GPRIN1: variants seen among roughly 807,000 people sequenced by gnomAD.
GPRIN1 encodes the protein G protein-regulated inducer of neurite outgrowth 1.
A neutral mutation model predicts 2.8 loss-of-function variants in GPRIN1; 4 were observed. That is an observed-to-expected ratio of 1.45 (90% CI 0.71 to 3.32). The LOEUF is 3.32. Ranked by LOEUF, GPRIN1 falls within the 30% of genes most tolerant of loss-of-function variation. The pLI is 0.01. For missense variants in GPRIN1, 1,322 were observed against 1,343.4 expected (o/e 0.98, Z 0.25); for synonymous variants, 589 against 589.9 (o/e 1.00, Z 0.02).
chr5:176,597,276 C>T lies in GPRIN1; in HGVS notation c.2559G>A (p.Ser853=), dbSNP rs1384867361. ...ACACCTGCAGGCCCGCATCTCGGCG[C>T]GAGGGCGGGCTGGGCGCGCGCGGCG... ...QAAPRAPSPP[S]RRDAGLQVSL... Residue 853 remains serine, a synonymous_variant, in exon 2 of 2, where the codon TCG becomes TCA. Coordinates refer to ENST00000303991, the MANE Select transcript of GPRIN1 (RefSeq NM_052899.3). The surrounding 1 kb of genome is among the most constrained non-coding windows in gnomAD (Gnocchi z 6.1). 6.5e-6 allele frequency: 8 copies of T among 1,237,714 alleles called. No individual in the cohort carries two copies. The East Asian group carries it at 2.3e-4, about 35-fold the overall frequency. 76.7% of individuals were successfully genotyped at this position (1,237,714 alleles called of 1,614,324 possible). A position where few individuals can be genotyped will look rare whatever the true frequency, so the allele number is the denominator to read the frequency against.
Position 176,598,081 on chromosome 5 carries a change from A to T in GPRIN1, c.1754T>A (p.Val585Glu). 1 of 1,613,706 alleles carries T rather than the reference A, an allele frequency of 6.2e-7. No homozygotes were observed. Among genetic ancestry groups the T allele is most frequent in the Non-Finnish European group, 8.5e-7 (1 of 1,179,934 alleles). The change falls in exon 2 of 2, where the codon GTG (valine) becomes GAG (glutamate). Residue 585 changes from valine to glutamate, a missense_variant. This residue lies in a region of GPRIN1 where 1,117 missense variants were observed against 1,128.6 expected (regional missense o/e 0.99). Coordinates refer to ENST00000303991, the MANE Select transcript of GPRIN1 (RefSeq NM_052899.3). The stretch of plus-strand genomic sequence containing the variant: ...CACGGGATCCACCTTCCCCGAGGGC[A>T]CCGGGACTGTTTTTCCTGGAGTTGA... Reference protein sequence around the residue: ...VVSTPGKTVPVPSGKVDPVSL... With the variant: ...VVSTPGKTVPEPSGKVDPVSL...
At position 176,598,815 on chromosome 5, in the gene GPRIN1, C is replaced by T. The variant is rs2113347885; in HGVS notation, c.1020G>A (p.Gly340=). Residue 340 remains glycine (G), a synonymous_variant, in exon 2 of 2, where the codon GGG becomes GGA. Coordinates refer to ENST00000303991, the MANE Select transcript of GPRIN1 (RefSeq NM_052899.3). ...GPVSSGTGAP[G]SLGRLDPTCL... ...ATGTGGGATCCAGCCTTCCCAAGGA[C>T]CCAGGAGCCCCGGTCCCAGAGGATA... 1 of 1,613,842 alleles carries T rather than the reference C, an allele frequency of 6.2e-7. No homozygotes were observed. Among genetic ancestry groups the T allele is most frequent in the Middle Eastern group, 1.6e-4 (1 of 6,062 alleles).
Position 176,598,476 on chromosome 5 carries a change from TG to T in GPRIN1, c.1358del (p.Pro453GlnfsTer27). On this transcript the variant is annotated frameshift_variant, in exon 2 of 2. Transcript: ENST00000303991. LOFTEE classifies it low-confidence loss of function (END_TRUNC). Reference sequence around the variant, plus strand: ...TGGAGGACACCGGGTCCTCTTTTCCTGGGGATACAGTTCCTGCCTTTCCCAC... The same window carrying T: ...TGGAGGACACCGGGTCCTCTTTTCCTGGGATACAGTTCCTGCCTTTCCCAC... ...VSVGKAGTVS[P>X]GKEDPVSSRR... is the part of the protein sequence containing the mutation. 6.2e-7 allele frequency: 1 copy of T among 1,614,122 alleles called. No homozygotes were observed. The highest frequency in any genetic ancestry group is 8.5e-7 in the Non-Finnish European group (1 of 1,180,028).
In GPRIN1 at chr5:176,597,490, G is replaced by T; in HGVS notation, c.2345C>A (p.Ala782Glu). The T allele has an allele frequency of 7.4e-7, 1 of 1,358,810 alleles. No individual in the cohort carries two copies. Among genetic ancestry groups the T allele is most frequent in the Non-Finnish European group, 9.5e-7 (1 of 1,057,010 alleles). The allele number at this position is 1,358,810 out of a possible 1,614,324, so 84.2% of individuals were successfully genotyped here. Residue 782 changes from alanine (A) to glutamate (E), a missense_variant, in exon 2 of 2, where the codon GCA (alanine) becomes GAA (glutamate). Physicochemically the swap from Ala to Glu is moderately radical, Grantham distance 107. Around this residue, in one of 3 missense-constraint regions of GPRIN1, gnomAD observed 1,117 missense variants for 1,128.6 expected, o/e 0.99. Coordinates refer to ENST00000303991, the MANE Select transcript of GPRIN1 (RefSeq NM_052899.3). This position sits in a 1 kb window ranked among gnomAD's most constrained non-coding sequence, Gnocchi z 6.1. ...GAERSPCPEA[A>E]APPPGPRTRD... Reference sequence around the variant, plus strand: ...AGTCCGCGGCCCCGGCGGGGGCGCTGCGGCCTCTGGGCAGGGGCTTCTCTC... The same window carrying T: ...AGTCCGCGGCCCCGGCGGGGGCGCTTCGGCCTCTGGGCAGGGGCTTCTCTC...
At chr5:176,607,427 T>C (rs1759237436) in intron 1 of GPRIN1, among the ~76,000 whole-genome samples, 1 of 152,192 alleles carries the variant, frequency 6.6e-6, no homozygotes. Flanking sequence ...CACTGCAATC[T>C]CCACCTTCCA....
In GPRIN1 at chr5:176,597,110, G is replaced by C. The variant is rs1759051146; in HGVS notation, c.2725C>G (p.Pro909Ala). 4 of 1,476,062 alleles carry C rather than the reference G, an allele frequency of 2.7e-6. No individual in the cohort carries two copies. The highest frequency in any genetic ancestry group is 3.6e-6 in the Non-Finnish European group (4 of 1,110,506). The allele number at this position is 1,476,062 out of a possible 1,614,324, so 91.4% of individuals were successfully genotyped here. A position where few individuals can be genotyped will look rare whatever the true frequency, so the allele number is the denominator to read the frequency against. Reference sequence around the variant, plus strand: ...TCGTCCCAGCTCACGTCTCGCACGGGCTCAGCCGGCTCCGGGGGCGCTACA... The same window carrying C: ...TCGTCCCAGCTCACGTCTCGCACGGCCTCAGCCGGCTCCGGGGGCGCTACA... ...AAVAPPEPAE[P>A]VRDVSWDEKG... Residue 909 changes from proline to alanine, a missense_variant, in exon 2 of 2, where the codon CCC (proline) becomes GCC (alanine). Physicochemically the swap from Pro to Ala is conservative, Grantham distance 27. Around this residue, in one of 3 missense-constraint regions of GPRIN1, gnomAD observed 196 missense variants for 189.2 expected, o/e 1.04. Coordinates refer to ENST00000303991, the MANE Select transcript of GPRIN1 (RefSeq NM_052899.3). This position sits in a 1 kb window ranked among gnomAD's most constrained non-coding sequence, Gnocchi z 6.1.
At position 176,596,939 on chromosome 5, in the gene GPRIN1, C is replaced by T. The variant is rs1759046500; in HGVS notation, c.2896G>A (p.Gly966Ser). 8.1e-7 allele frequency: 1 copy of T among 1,239,492 alleles called. No homozygotes were observed. The highest frequency in any genetic ancestry group is 3.4e-5 in the East Asian group (1 of 29,808). 76.8% of individuals were successfully genotyped at this position (1,239,492 alleles called of 1,614,324 possible). ...APPPAARAGP[G>S]RSGSVRTAPP... ...GCGGTGCGCACCGAGCCCGAACGGC[C>T]GGGGCCGGCACGGGCGGCGGGCGGC... is the stretch of plus-strand genomic sequence containing the variant. Residue 966 changes from glycine (G) to serine (S), a missense_variant, in exon 2 of 2, where the codon GGC (glycine) becomes AGC (serine). Around this residue, in one of 3 missense-constraint regions of GPRIN1, gnomAD observed 196 missense variants for 189.2 expected, o/e 1.04. Coordinates refer to ENST00000303991, the MANE Select transcript of GPRIN1 (RefSeq NM_052899.3). The surrounding 1 kb of genome is among the most constrained non-coding windows in gnomAD (Gnocchi z 5.2).
In GPRIN1 at chr5:176,598,934, G is replaced by A. The variant is rs1400797335; in HGVS notation, c.901C>T (p.Pro301Ser). 14 of 1,613,992 alleles carry A rather than the reference G, an allele frequency of 8.7e-6. No homozygotes were observed. Among genetic ancestry groups the A allele is most frequent in the Non-Finnish European group, 1.2e-5 (14 of 1,179,928 alleles). The change falls in exon 2 of 2, where the codon CCC (proline) becomes TCC (serine). Residue 301 changes from proline to serine, a missense_variant. Coordinates refer to ENST00000303991, the MANE Select transcript of GPRIN1 (RefSeq NM_052899.3). ...PGPSGKADPMPLESMDSASTG... is the reference protein window; with the variant it reads ...PGPSGKADPMSLESMDSASTG... ...GACGCAGAATCCATGCTTTCCAAGG[G>A]CATGGGATCTGCCTTTCCCGAGGGC...
chr5:176,609,332 G>A (rs1004131997), intron 1 of GPRIN1, among the ~76,000 whole-genome samples: 1 of 152,144 alleles, frequency 6.6e-6, no homozygotes, highest in Non-Finnish European at 1.5e-5. Flanking sequence ...GTTTGAGTGC[G>A]TAGCTGTGCC....
chr5:176,597,276 C>A lies in GPRIN1; in HGVS notation c.2559G>T (p.Ser853=). Residue 853 remains serine (S), a synonymous_variant, in exon 2 of 2, where the codon TCG becomes TCT. Transcript: ENST00000303991. The surrounding 1 kb of genome is among the most constrained non-coding windows in gnomAD (Gnocchi z 6.1). ...QAAPRAPSPP[S]RRDAGLQVSL... ...ACACCTGCAGGCCCGCATCTCGGCG[C>A]GAGGGCGGGCTGGGCGCGCGCGGCG... 8.1e-7 allele frequency: 1 copy of A among 1,237,822 alleles called. No homozygotes were observed. The highest frequency in any genetic ancestry group is 1.0e-6 in the Non-Finnish European group (1 of 992,704). 76.7% of individuals were successfully genotyped at this position (1,237,822 alleles called of 1,614,324 possible).
chr5:176,609,655 G>A (rs942431136), intron 1 of GPRIN1, among the ~76,000 whole-genome samples: 11 of 152,170 alleles, frequency 7.2e-5, no homozygotes, highest in Middle Eastern at 3.4e-3. Context: ...CCTCCCGCGC[G>A]GCCATGCCGA....
Position 176,598,520 on chromosome 5 carries a change from G to T in GPRIN1, c.1315C>A (p.Gln439Lys). The change falls in exon 2 of 2, where the codon CAG (glutamine) becomes AAG (lysine). Residue 439 changes from glutamine to lysine, a missense_variant. Gln to Lys is a moderately conservative substitution (Grantham distance 53). Around this residue, in one of 3 missense-constraint regions of GPRIN1, gnomAD observed 1,117 missense variants for 1,128.6 expected, o/e 0.99. Transcript: ENST00000303991. ...TTTCCCACAGACACACGCTCTGCCT[G>T]TCCAGGAGACAAGAGCTCTGGCTTT... ...SGKPELLSPG[Q>K]AERVSVGKAG... 1 of 1,614,146 alleles carries T rather than the reference G, an allele frequency of 6.2e-7. No individual in the cohort carries two copies. Among genetic ancestry groups the T allele is most frequent in the African/African-American group, 1.3e-5 (1 of 75,046 alleles).
At chr5:176,609,401 A>G (rs2113357082) in intron 1 of GPRIN1, among the ~76,000 whole-genome samples, 1 of 152,198 alleles carries the variant, frequency 6.6e-6, no homozygotes, top group East Asian at 1.9e-4. Flanking sequence ...CGTGTGTATG[A>G]GTCTAATGGA....
chr5:176,598,152 A>G lies in GPRIN1; in HGVS notation c.1683T>C (p.Ala561=). The change falls in exon 2 of 2, where the codon GCT becomes GCC. Residue 561 remains alanine, a synonymous_variant. Coordinates refer to ENST00000303991, the MANE Select transcript of GPRIN1 (RefSeq NM_052899.3). ...EDPVSKGKAD[A]GPSGQGDSVS... ...CAGAGTCCCCTTGTCCAGAGGGGCC[A>G]GCGTCTGCCTTTCCCTTGCTCACAG... The G allele has an allele frequency of 6.2e-7, 1 of 1,612,678 alleles. No homozygotes were observed. Among genetic ancestry groups the G allele is most frequent in the South Asian group, 1.1e-5 (1 of 91,070 alleles).
chr5:176,597,340 T>C lies in GPRIN1; in HGVS notation c.2495A>G (p.Gln832Arg). 4 of 1,247,802 alleles carry C rather than the reference T, an allele frequency of 3.2e-6. No individual in the cohort carries two copies. The highest frequency in any genetic ancestry group is 4.0e-6 in the Non-Finnish European group (4 of 998,362). The allele number at this position is 1,247,802 out of a possible 1,614,324, so 77.3% of individuals were successfully genotyped here. ...GAAGGCCGAGCCCCCAGCGCCGTCC[T>C]GCGGAGACATGGGGCTCACGGCCAC... ...VSVAVSPMSP[Q>R]DGAGGSAFSF... Residue 832 changes from glutamine (Q) to arginine (R), a missense_variant, in exon 2 of 2, where the codon CAG becomes CGG. Around this residue, in one of 3 missense-constraint regions of GPRIN1, gnomAD observed 1,117 missense variants for 1,128.6 expected, o/e 0.99. Coordinates refer to ENST00000303991, the MANE Select transcript of GPRIN1 (RefSeq NM_052899.3). The surrounding 1 kb of genome is among the most constrained non-coding windows in gnomAD (Gnocchi z 6.1).
chr5:176,601,451 G>C (rs535827826), intron 1 of GPRIN1, among the ~76,000 whole-genome samples: 3 of 152,310 alleles, frequency 2.0e-5, no homozygotes, highest in African/African-American at 7.2e-5. Flanking sequence ...GAAATCCAAA[G>C]GAAAACTGAC....
rs758743287 is a variant in GPRIN1, at chr5:176,599,344, G to T, written c.491C>A (p.Thr164Asn). The T allele has an allele frequency of 6.2e-7, 1 of 1,614,234 alleles. No individual in the cohort carries two copies. The highest frequency in any genetic ancestry group is 8.5e-7 in the Non-Finnish European group (1 of 1,180,048). Reference sequence around the variant, plus strand: ...CCCAGGATCCTCCTTTCCTATGGAAGTGGAATCGGCCTGCTTTGAGGACTT... The same window carrying T: ...CCCAGGATCCTCCTTTCCTATGGAATTGGAATCGGCCTGCTTTGAGGACTT... ...DFKSSKQADS[T>N]SIGKEDPGSS... Residue 164 changes from threonine (T) to asparagine (N), a missense_variant, in exon 2 of 2, where the codon ACT becomes AAT. Transcript: ENST00000303991.
In GPRIN1 at chr5:176,597,625, G is replaced by A. The variant is rs781597704; in HGVS notation, c.2210C>T (p.Ser737Phe). The change falls in exon 2 of 2, where the codon TCT (serine) becomes TTT (phenylalanine). Residue 737 changes from serine to phenylalanine, a missense_variant. Transcript: ENST00000303991. The surrounding 1 kb of genome is among the most constrained non-coding windows in gnomAD (Gnocchi z 6.1). The stretch of plus-strand genomic sequence containing the variant: ...TTCACTGCCCCTGGCACCCTCGGGA[G>A]ACCGGGCTGAGCCGAGGGCTTTGCG... ...LDRKALGSAR[S>F]PEGARGSEGR... is the part of the protein sequence containing the mutation. The A allele has an allele frequency of 1.2e-6, 2 of 1,601,010 alleles. No individual in the cohort carries two copies. The highest frequency in any genetic ancestry group is 1.7e-6 in the Non-Finnish European group (2 of 1,178,478).
In GPRIN1 at chr5:176,597,068, C is replaced by G; in HGVS notation, c.2767G>C (p.Glu923Gln). 1.3e-6 allele frequency: 2 copies of G among 1,512,322 alleles called. No homozygotes were observed. Among genetic ancestry groups the G allele is most frequent in the South Asian group, 2.5e-5 (2 of 81,186 alleles). 93.7% of individuals were successfully genotyped at this position (1,512,322 alleles called of 1,614,324 possible). ...VSWDEKGMTW[E>Q]VYGAAMEVEV... ...ACCTCCATGGCGGCGCCGTATACCTCCCACGTCATGCCCTTCTCGTCCCAG... is the reference window on the plus strand; with the variant it reads ...ACCTCCATGGCGGCGCCGTATACCTGCCACGTCATGCCCTTCTCGTCCCAG... Residue 923 changes from glutamate to glutamine, a missense_variant, in exon 2 of 2, where the codon GAG becomes CAG. Around this residue, in one of 3 missense-constraint regions of GPRIN1, gnomAD observed 196 missense variants for 189.2 expected, o/e 1.04. Coordinates refer to ENST00000303991, the MANE Select transcript of GPRIN1 (RefSeq NM_052899.3). This position sits in a 1 kb window ranked among gnomAD's most constrained non-coding sequence, Gnocchi z 6.1.
Sources: gnomAD v4.1 joint callset for allele counts (sites outside exome capture counted in the v4.1 genomes callset) on GRCh38, gnomAD v4.1.1 for gene constraint, gnomAD v4.1.1 regional missense constraint, Gnocchi (gnomAD v3.1) non-coding constraint, MANE v1.5 for transcripts, NCBI Gene and HGNC (gene_info 2026-07-23, HGNC 2026-07-21) for gene names.